SEC16B: variants seen among roughly 807,000 people sequenced by gnomAD.
SEC16B encodes the protein protein transport protein Sec16B.
A neutral mutation model predicts 141.8 loss-of-function variants in SEC16B; 115 were observed. That is an observed-to-expected ratio of 0.81 (90% CI 0.70 to 0.95). The LOEUF is 0.95. SEC16B is among the 40% of genes least tolerant of loss of function. SEC16B has a pLI of 0.00. For synonymous variants in SEC16B, 493 were observed against 492.5 expected (o/e 1.00, Z -0.01); for missense variants, 1,291 against 1,312.3 (o/e 0.98, Z 0.25).
Position 177,951,914 on chromosome 1 carries a change from C to G in SEC16B, c.1545G>C (p.Thr515=). 2 of 1,599,548 alleles carry G rather than the reference C, an allele frequency of 1.3e-6. No homozygotes were observed. The highest frequency in any genetic ancestry group is 1.7e-6 in the Non-Finnish European group (2 of 1,173,436). ...LMSGRIPQAA[T]CCGEKQWGDW... is the part of the protein sequence containing the mutation. The stretch of plus-strand genomic sequence containing the variant: ...TAAAGGAATCCTGTCATAGGGGTAC[C>G]GTGGCTGCCTGTGGAATCCTCCCCG... Residue 515 remains threonine (T), a splice_region_variant and synonymous_variant, in exon 12 of 26, where the codon ACG becomes ACC. Transcript: ENST00000308284.
At position 177,941,900 on chromosome 1, in the gene SEC16B, C is replaced by T; in HGVS notation, c.2022G>A (p.Lys674=). The T allele has an allele frequency of 6.2e-7, 1 of 1,613,646 alleles. No homozygotes were observed. The highest frequency in any genetic ancestry group is 8.5e-7 in the Non-Finnish European group (1 of 1,179,736). The change falls in exon 16 of 26, where the codon AAG becomes AAA. Residue 674 remains lysine, a splice_region_variant and synonymous_variant. Coordinates refer to ENST00000308284, the MANE Select transcript of SEC16B (RefSeq NM_033127.4). Reference sequence around the variant, plus strand: ...GCACAGAACCCTTTGAGAGGCTCACCTTGATGAGTTCCACTAATAGCACAG... The same window carrying T: ...GCACAGAACCCTTTGAGAGGCTCACTTTGATGAGTTCCACTAATAGCACAG... ...SHPVLLVELI[K]LAEKLKLSDP...
chr1:177,977,531 T>A (rs1346933136), intron 1 of SEC16B, among the ~76,000 whole-genome samples: 1 of 152,210 alleles, frequency 6.6e-6, no homozygotes, highest in African/African-American at 2.4e-5. Context: ...GGAAAGTAGG[T>A]CTTTCAGCTC....
At chr1:177,944,805 A>G (rs1028670993) in intron 14 of SEC16B, 139 bp from the exon 15 acceptor site, 3 of 614,682 alleles carry the variant, frequency 4.9e-6, no homozygotes, top group Non-Finnish European at 8.4e-6. Context: ...CGGCTTCAAG[A>G]GAAGAAGGAG....
At chr1:177,933,399 G>T (rs751901919) in intron 21 of SEC16B, 85 bp downstream of exon 21, 13 of 1,563,438 alleles carry the variant, frequency 8.3e-6, no homozygotes, top group East Asian at 2.3e-5. Flanking sequence ...AACCATCAGA[G>T]CCCAGACTTC....
intron 6 of SEC16B, chr1:177,961,180 A>G: frequency 1.9e-6 from 1 of 516,232 alleles, no homozygotes. Flanking sequence ...TAATGCTCTC[A>G]GCCCAGACTC....
intron 1 of SEC16B, among the ~76,000 whole-genome samples, chr1:177,975,260 C>T (rs553001925): frequency 2.0e-5 from 3 of 152,312 alleles, no homozygotes; most frequent in South Asian, 2.1e-4. Flanking sequence ...ATGCAATATT[C>T]GCAGTGCCTT....
At chr1:177,962,086 C>G (rs1411195527) in intron 5 of SEC16B, among the ~76,000 whole-genome samples, 2 of 151,912 alleles carry the variant, frequency 1.3e-5, no homozygotes, top group African/African-American at 4.8e-5. Flanking sequence ...AAACAATTTT[C>G]TTTTTTGAGA....
intron 18 of SEC16B, among the ~76,000 whole-genome samples, chr1:177,938,193 G>A (rs1003731155): frequency 6.6e-5 from 10 of 152,174 alleles, no homozygotes; most frequent in African/African-American, 2.4e-4. Flanking sequence ...AGCTTTGATT[G>A]GACAAGACTG....
At position 177,958,213 on chromosome 1, in the gene SEC16B, C is replaced by A. The variant is rs561650789; in HGVS notation, c.1284G>T (p.Thr428=). ...TCTCCACACTGGGGGGGATCTCTCCCGTGAGCAGGTTCGGGGTCCCAGAGC... is the reference window on the plus strand; with the variant it reads ...TCTCCACACTGGGGGGGATCTCTCCAGTGAGCAGGTTCGGGGTCCCAGAGC... The part of the protein sequence containing the change: ...VLSSGTPNLL[T]GEIPPSVETP... The change falls in exon 10 of 26, where the codon ACG becomes ACT. Residue 428 remains threonine, a synonymous_variant. Transcript: ENST00000308284. 4.4e-6 allele frequency: 7 copies of A among 1,602,674 alleles called. No homozygotes were observed. The highest frequency in any genetic ancestry group is 6.0e-6 in the Non-Finnish European group (7 of 1,174,330).
intron 19 of SEC16B, 23 bp from the exon 20 acceptor site, chr1:177,936,388 A>G (rs1361804825): frequency 1.9e-6 from 3 of 1,590,594 alleles, no homozygotes; most frequent in African/African-American, 2.7e-5. Flanking sequence ...CAGAAATGGA[A>G]ATAGCAATTG....
chr1:177,946,287 A>G (rs1651696033), intron 14 of SEC16B, 133 bp downstream of exon 14: 4 of 760,116 alleles, frequency 5.3e-6, no homozygotes, highest in African/African-American at 1.7e-5. Context: ...ACAGATAACA[A>G]TCCCAAATAA....
At chr1:177,929,993 T>C (rs1001417148) in intron 25 of SEC16B, 64 bp from the exon 26 acceptor site, 4 of 1,540,436 alleles carry the variant, frequency 2.6e-6, no homozygotes, top group Middle Eastern at 1.9e-4. Flanking sequence ...CCGGGGTTGA[T>C]TGGACAGATG....
At chr1:177,943,686 T>TG (rs1490552792) in intron 15 of SEC16B, among the ~76,000 whole-genome samples, 1 of 152,212 alleles carries the variant, frequency 6.6e-6, no homozygotes, top group Non-Finnish European at 1.5e-5. Flanking sequence ...TCAGTGTCAG[T>TG]GGGGGGCCCT....
At chr1:177,944,106 G>C (rs1446686225) in intron 15 of SEC16B, among the ~76,000 whole-genome samples, 1 of 152,214 alleles carries the variant, frequency 6.6e-6, no homozygotes, top group Non-Finnish European at 1.5e-5. Flanking sequence ...TGAGGGCGGA[G>C]GTAGAGGACA....
intron 6 of SEC16B, 85 bp from the exon 7 acceptor site, chr1:177,961,024 T>G: frequency 6.7e-7 from 1 of 1,489,336 alleles, no homozygotes; most frequent in Non-Finnish European, 9.2e-7. Flanking sequence ...CAGATGTATT[T>G]CTGCCCAAAT....
chr1:177,980,595 G>A (rs982914103), intron 1 of SEC16B, among the ~76,000 whole-genome samples: 3 of 152,020 alleles, frequency 2.0e-5, no homozygotes, highest in South Asian at 2.1e-4. Context: ...ACACTAAGTG[G>A]GCAAGGTGAA....
chr1:177,931,114 C>T (rs1317741097), intron 24 of SEC16B, among the ~76,000 whole-genome samples: 2 of 152,236 alleles, frequency 1.3e-5, no homozygotes, highest in East Asian at 3.8e-4. Context: ...TTGAAAAATA[C>T]ACTTGCACAA....
At position 177,951,978 on chromosome 1, in the gene SEC16B, G is replaced by A. The variant is rs1407015627; in HGVS notation, c.1481C>T (p.Ala494Val). 2.1e-5 allele frequency: 34 copies of A among 1,604,222 alleles called. No individual in the cohort carries two copies. The highest frequency in any genetic ancestry group is 2.7e-5 in the Non-Finnish European group (32 of 1,175,696). ...GAGGGTCTGCAGTGGGTCATTGAGC[G>A]CCAGCGTGCTGGTGAAGCTGCGGAG... ...WVMSGFTSTL[A>V]LNDPLQTLFQ... Residue 494 changes from alanine (A) to valine (V), a missense_variant, in exon 12 of 26, where the codon GCG becomes GTG. This residue lies in a region of SEC16B where 681 missense variants were observed against 675.5 expected (regional missense o/e 1.01). Transcript: ENST00000308284.
chr1:177,961,824 G>T (rs1653088002), intron 5 of SEC16B, 90 bp from the exon 6 acceptor site: 1 of 1,153,950 alleles, frequency 8.7e-7, no homozygotes, highest in African/African-American at 1.6e-5. Context: ...TACATACGGT[G>T]AAAGTGGATG....
Sources: allele counts gnomAD v4.1 joint callset (sites outside exome capture counted in the v4.1 genomes callset), GRCh38; gene constraint gnomAD v4.1.1; regional missense constraint gnomAD v4.1.1; transcripts MANE v1.5; gene names NCBI Gene and HGNC (gene_info 2026-07-23, HGNC 2026-07-21).